The following MGST2 variants were observed in gnomAD, a reference collection of about 807,000 sequenced individuals.
The protein encoded by MGST2 is glutathione peroxidase MGST2.
MGST2 carries 9 observed loss-of-function variants against 16.6 expected under a neutral mutation model. The ratio of observed to expected loss-of-function variants is 0.54; its 90% CI spans 0.33 to 0.95. MGST2 has a LOEUF of 0.95. Among genes scored for constraint, MGST2 ranks in the 40% least tolerant of loss-of-function variants. MGST2 has a pLI of 0.03. For synonymous variants in MGST2, 79 were observed against 68.0 expected, an observed-to-expected ratio of 1.16 and a Z score of -0.79; for missense variants, 159 against 175.1, an observed-to-expected ratio of 0.91 and a Z score of 0.52.
intron 3 of MGST2, 40 bp downstream of exon 3, chr4:139,695,307 T>A (rs1225098317): frequency 2.0e-6 from 3 of 1,504,862 alleles, no homozygotes; most frequent in Non-Finnish European, 2.8e-6. Context: ...TAATGATGAC[T>A]GTGATGCTTA....
At chr4:139,677,401 G>A (rs942288261) in intron 1 of MGST2, among the ~76,000 whole-genome samples, 6 of 152,128 alleles carry the variant, frequency 3.9e-5, no homozygotes, top group African/African-American at 1.4e-4. Flanking sequence ...TCAAAGCAGG[G>A]GCTTCCAGGT....
intron 2 of MGST2, among the ~76,000 whole-genome samples, chr4:139,692,973 G>A (rs1183760433): frequency 6.6e-6 from 1 of 152,172 alleles, no homozygotes; most frequent in African/African-American, 2.4e-5. Flanking sequence ...ATTTTTGAAG[G>A]TGCTTTTAAA....
intron 5 of MGST2, among the ~76,000 whole-genome samples, chr4:139,711,203 G>T (rs1475713757): frequency 6.6e-6 from 1 of 151,794 alleles, no homozygotes; most frequent in Non-Finnish European, 1.5e-5. Flanking sequence ...GTAGAGATGG[G>T]GTTTCGCCAT....
chr4:139,671,312 G>T (rs973190691), intron 1 of MGST2, among the ~76,000 whole-genome samples: 6 of 152,122 alleles, frequency 3.9e-5, no homozygotes, highest in Non-Finnish European at 8.8e-5. Flanking sequence ...CTCAGCACAT[G>T]TGTATCTCTG....
intron 5 of MGST2, among the ~76,000 whole-genome samples, chr4:139,721,499 CA>C (rs1390109105): frequency 6.6e-6 from 1 of 152,166 alleles, no homozygotes; most frequent in African/African-American, 2.4e-5. Flanking sequence ...GATGAGAAAC[CA>C]GATGAGAATA....
At chr4:139,668,058 T>C (rs1008911556) in intron 1 of MGST2, among the ~76,000 whole-genome samples, 9 of 152,170 alleles carry the variant, frequency 5.9e-5, no homozygotes, top group Non-Finnish European at 1.0e-4. Flanking sequence ...ATGTAAGATG[T>C]ACATTAGTTT....
chr4:139,729,530 A>C (rs1728617962), intron 5 of MGST2, among the ~76,000 whole-genome samples: 1 of 152,188 alleles, frequency 6.6e-6, no homozygotes, highest in Non-Finnish European at 1.5e-5. Context: ...AGGCAGACTT[A>C]TGTTGGGCCT....
At chr4:139,750,997 T>C in the MGST2 span, among the ~76,000 whole-genome samples, 1 of 152,198 alleles carries the variant, frequency 6.6e-6, no homozygotes, top group Non-Finnish European at 1.5e-5. Context: ...CCTCCTGTGA[T>C]TCAATCACTC....
chr4:139,695,543 AC>A, intron 3 of MGST2, among the ~76,000 whole-genome samples: 1 of 152,098 alleles, frequency 6.6e-6, no homozygotes, highest in Non-Finnish European at 1.5e-5. Flanking sequence ...AATCACTTGA[AC>A]CCAGGAGGTG....
intron 5 of MGST2, among the ~76,000 whole-genome samples, chr4:139,723,527 G>A (rs1211948640): frequency 1.3e-5 from 2 of 152,132 alleles, no homozygotes; most frequent in Non-Finnish European, 2.9e-5. Flanking sequence ...GGTCAGGCTG[G>A]TCTCGAACTC....
chr4:139,719,300 G>T, intron 5 of MGST2: 1 of 1,540,654 alleles, frequency 6.5e-7, no homozygotes, highest in Non-Finnish European at 8.7e-7. Context: ...CACTCGAGTT[G>T]TGGATCTTGG....
At chr4:139,681,021 AT>A (rs77011119) in intron 2 of MGST2, among the ~76,000 whole-genome samples, 37,355 of 150,364 alleles carry the variant, frequency 0.25, 5,161 homozygotes, top group African/African-American at 0.36. Context: ...CTGTTTTAGA[AT>A]TTTTTTTTTG....
intron 5 of MGST2, among the ~76,000 whole-genome samples, chr4:139,733,143 T>TA (rs1042569972): frequency 2.3e-4 from 35 of 152,238 alleles, no homozygotes; most frequent in Non-Finnish European, 5.0e-4. Context: ...TGATTGGCTT[T>TA]ACACTTTAAC....
chr4:139,711,195 A>G (rs1033127735), intron 5 of MGST2, among the ~76,000 whole-genome samples: 1 of 151,792 alleles, frequency 6.6e-6, no homozygotes, highest in African/African-American at 2.4e-5. Flanking sequence ...TATTTTTTGT[A>G]GAGATGGGGT....
chr4:139,734,279 A>G (rs1320982276), intron 5 of MGST2, among the ~76,000 whole-genome samples: 1 of 152,222 alleles, frequency 6.6e-6, no homozygotes, highest in Non-Finnish European at 1.5e-5. Context: ...AAGGACACAC[A>G]CTGTGTTGTG....
downstream of MGST2, among the ~76,000 whole-genome samples, chr4:139,745,611 TCTC>T (rs1297933182): frequency 3.3e-5 from 5 of 152,154 alleles, no homozygotes; most frequent in African/African-American, 1.2e-4. Context: ...CCCACTCATT[TCTC>T]TTCTCTATTA....
chr4:139,716,737 T>C (rs1409873305), intron 5 of MGST2: 1 of 152,514 alleles, frequency 6.6e-6, no homozygotes, highest in Non-Finnish European at 1.5e-5. Flanking sequence ...GATCTTAAAA[T>C]AAACTATACT....
chr4:139,682,923 C>A (rs1482136193), intron 2 of MGST2, among the ~76,000 whole-genome samples: 1 of 152,124 alleles, frequency 6.6e-6, no homozygotes, highest in Non-Finnish European at 1.5e-5. Flanking sequence ...TACTCACAGG[C>A]CCCTGCCTCG....
At chr4:139,691,235 A>G (rs1224183100) in intron 2 of MGST2, among the ~76,000 whole-genome samples, 1 of 152,194 alleles carries the variant, frequency 6.6e-6, no homozygotes, top group Non-Finnish European at 1.5e-5. Flanking sequence ...GGAAGGGAAG[A>G]TTGACAGCTA....
Sources: gnomAD v4.1 joint callset for allele counts (sites outside exome capture counted in the v4.1 genomes callset) on GRCh38, gnomAD v4.1.1 for gene constraint, MANE v1.5 for transcripts, NCBI Gene and HGNC (gene_info 2026-07-23, HGNC 2026-07-21) for gene names.